STK33: variants seen among roughly 807,000 people sequenced by gnomAD.
STK33 encodes serine/threonine-protein kinase 33.
Under a neutral mutation model 58.0 loss-of-function variants are expected in STK33, and 52 were observed. That is an observed-to-expected ratio of 0.90 (90% confidence interval 0.72 to 1.13). STK33 has a LOEUF of 1.13. STK33 is among the 50% of genes most tolerant of loss of function. The pLI, the probability that STK33 is intolerant of heterozygous loss-of-function variation, is 0.00. For missense variants in STK33, 630 were observed against 604.2 expected (o/e 1.04, Z -0.45); for synonymous variants, 215 against 200.1 (o/e 1.07, Z -0.63).
At chr11:8,405,110 T>G (rs1018573973) in intron 15 of STK33, among the ~76,000 whole-genome samples, 1 of 152,172 alleles carries the variant, frequency 6.6e-6, no homozygotes, top group African/African-American at 2.4e-5. Flanking sequence ...CAATCCAGCC[T>G]GGGTGACAGA....
At position 8,496,825 on chromosome 11, in the gene STK33, C is replaced by T. The variant is rs571654093; in HGVS notation, c.-465-16211G>A. Among the ~76,000 whole-genome samples the T allele has an allele frequency of 1.8e-3, 278 of 152,114 alleles. 1 individual carries two copies. Among genetic ancestry groups the T allele is most frequent in the African/African-American group, 6.0e-3 (249 of 41,520 alleles). On this transcript the variant is annotated intron_variant, in intron 1 of 15. Coordinates refer to ENST00000687296, the MANE Select transcript of STK33 (RefSeq NM_001352389.2). ...TCCTCACCTTGTGATCCACCTGCCT[C>T]GGCCTCCCAAAGTGCTAGGATTACA...
rs1486642818 is a variant in STK33 at position 8,453,297 on chromosome 11, T to C, written c.787-391A>G. Among the ~76,000 whole-genome samples, 4 of 152,344 alleles carry C rather than the reference T, an allele frequency of 2.6e-5. No homozygotes were observed. The East Asian group carries it at 7.7e-4, about 29-fold the overall frequency. On this transcript the variant is annotated intron_variant, in intron 10 of 15. Transcript: ENST00000687296. ...TCTGGCTTTAACATATTATCTATGT[T>C]TCTGATAATCAAGTTATATTCCAGT...
At chr11:8,468,112 T>TG (rs1388481830) in intron 6 of STK33, among the ~76,000 whole-genome samples, 2 of 152,126 alleles carry the variant, frequency 1.3e-5, no homozygotes, top group Non-Finnish European at 2.9e-5. Context: ...TCCACATGGC[T>TG]GGGGAGGCCT....
intron 1 of STK33, among the ~76,000 whole-genome samples, chr11:8,491,994 C>G (rs893788399): frequency 3.9e-5 from 6 of 152,276 alleles, no homozygotes; most frequent in African/African-American, 1.4e-4. Context: ...AAAAACACGC[C>G]AAATTGTAAA....
chr11:8,431,160 C>T (rs921867544), intron 14 of STK33, among the ~76,000 whole-genome samples: 17 of 152,024 alleles, frequency 1.1e-4, no homozygotes, highest in Admixed American at 2.0e-4. Flanking sequence ...CCACCGCACC[C>T]GGCCTCCTTA....
At chr11:8,414,279 T>C (rs1254251449) in intron 14 of STK33, among the ~76,000 whole-genome samples, 1 of 152,202 alleles carries the variant, frequency 6.6e-6, no homozygotes, top group African/African-American at 2.4e-5. Context: ...GACTATACCA[T>C]GCCAAAATTG....
intron 1 of STK33, among the ~76,000 whole-genome samples, chr11:8,518,469 C>T (rs1213121280): frequency 3.3e-5 from 5 of 152,204 alleles, no homozygotes; most frequent in African/African-American, 1.2e-4. Flanking sequence ...ATCATAATGA[C>T]AGGATCAAAT....
At chr11:8,393,318 T>C (rs1019208727) in intron 15 of STK33, among the ~76,000 whole-genome samples, 1 of 152,234 alleles carries the variant, frequency 6.6e-6, no homozygotes, top group Admixed American at 6.5e-5. Context: ...AGGGTGGCCA[T>C]GAAAGTACTA....
At chr11:8,364,593 T>C in the STK33 span, among the ~76,000 whole-genome samples, 6 of 152,162 alleles carry the variant, frequency 3.9e-5, no homozygotes, top group African/African-American at 1.2e-4. Context: ...GTTTAAAATA[T>C]GCCAGTAAAA....
At chr11:8,384,850 G>A in the STK33 span, among the ~76,000 whole-genome samples, 2 of 152,138 alleles carry the variant, frequency 1.3e-5, no homozygotes, top group Admixed American at 6.5e-5. Context: ...CGGACTCCGC[G>A]CATTCATGGT....
At chr11:8,536,603 AT>A (rs915777375) in intron 1 of STK33, among the ~76,000 whole-genome samples, 3 of 152,234 alleles carry the variant, frequency 2.0e-5, no homozygotes, top group African/African-American at 7.2e-5. Flanking sequence ...ATGAAGTTTT[AT>A]TGTTTAACAA....
At chr11:8,526,969 CTCT>C (rs1160369728) in intron 1 of STK33, among the ~76,000 whole-genome samples, 1 of 130,692 alleles carries the variant, frequency 7.7e-6, no homozygotes, top group Non-Finnish European at 1.6e-5. Context: ...CAGAGATTTC[CTCT>C]TTTTTTTTTT....
chr11:8,352,915 T>C, the STK33 span, among the ~76,000 whole-genome samples: 1 of 152,094 alleles, frequency 6.6e-6, no homozygotes. Flanking sequence ...TCCAGTGGGG[T>C]TCCAGAGGGA....
intron 15 of STK33, among the ~76,000 whole-genome samples, chr11:8,413,051 G>A (rs1940541668): frequency 6.6e-6 from 1 of 152,156 alleles, no homozygotes; most frequent in Middle Eastern, 3.2e-3. Context: ...AAATTCTATA[G>A]TCTGGTAGAG....
chr11:8,498,904 T>C (rs1242506974), intron 1 of STK33, among the ~76,000 whole-genome samples: 1 of 152,196 alleles, frequency 6.6e-6, no homozygotes, highest in Non-Finnish European at 1.5e-5. Flanking sequence ...ACTGGACCCC[T>C]TCCTTATACC....
chr11:8,531,102 TA>T (rs1565289050), intron 1 of STK33, among the ~76,000 whole-genome samples: 1 of 152,140 alleles, frequency 6.6e-6, no homozygotes, highest in African/African-American at 2.4e-5. Flanking sequence ...AAAAAATGAA[TA>T]AAGGTAAAGC....
chr11:8,388,136 TGGCTAA>T (rs1848569649), downstream of STK33, among the ~76,000 whole-genome samples: 1 of 152,032 alleles, frequency 6.6e-6, no homozygotes, highest in Non-Finnish European at 1.5e-5. Context: ...GTCCAGGATC[TGGCTAA>T]GGTACCTGGG....
In STK33 at chr11:8,582,654, C is replaced by A. The variant is rs1425558183; in HGVS notation, c.-466+11429G>T. On this transcript the variant is annotated intron_variant, in intron 1 of 15. Coordinates refer to ENST00000687296, the MANE Select transcript of STK33 (RefSeq NM_001352389.2). ...GGGATTATGGGGATTATGGGAATTACAATTCAATATGAGATTTGGGTGGGG... is the reference window on the plus strand; with the variant it reads ...GGGATTATGGGGATTATGGGAATTAAAATTCAATATGAGATTTGGGTGGGG... Among the ~76,000 whole-genome samples the A allele has an allele frequency of 2.0e-5, 3 of 152,152 alleles. No homozygotes were observed. In the East Asian group the frequency reaches 5.8e-4, roughly 29 times the overall value.
chr11:8,524,215 G>C (rs959655101), intron 1 of STK33, among the ~76,000 whole-genome samples: 43 of 152,144 alleles, frequency 2.8e-4, no homozygotes, highest in African/African-American at 9.6e-4. Flanking sequence ...GAAAATCAGA[G>C]ACCCTTATTC....
Sources: allele counts gnomAD v4.1 joint callset (sites outside exome capture counted in the v4.1 genomes callset), GRCh38; gene constraint gnomAD v4.1.1; transcripts MANE v1.5; gene names NCBI Gene and HGNC (gene_info 2026-07-23, HGNC 2026-07-21).